Variants in PTPRD observed in about 807,000 individuals in gnomAD.
PTPRD encodes the protein protein tyrosine phosphatase receptor type D.
In PTPRD, 34 loss-of-function variants were observed where a neutral mutation model predicts 214.5. The observed-to-expected ratio is 0.16, with a 90% CI of 0.12 to 0.21. The LOEUF (loss-of-function observed/expected upper bound fraction) is 0.21, where lower values mean the gene tolerates loss of function less well. Among genes scored for constraint, PTPRD ranks in the 10% least tolerant of loss-of-function variants. The pLI is 1.00. For missense variants in PTPRD, 2,545 were observed against 2,398.7 expected, an observed-to-expected ratio of 1.06 and a Z score of -1.27; for synonymous variants, 1,128 against 845.7, an observed-to-expected ratio of 1.33 and a Z score of -5.79.
chr9:9,258,326 A>C (rs1364690335), intron 9 of PTPRD, among the ~76,000 whole-genome samples: 3 of 151,956 alleles, frequency 2.0e-5, no homozygotes, highest in African/African-American at 7.2e-5. Flanking sequence ...TTATGACATC[A>C]TCTGAAACCC....
intron 7 of PTPRD, among the ~76,000 whole-genome samples, chr9:9,615,413 C>A (rs918176273): frequency 1.3e-5 from 2 of 152,170 alleles, no homozygotes; most frequent in Admixed American, 6.5e-5. Context: ...CCCGGCCAAA[C>A]CAGTAAACAT....
intron 10 of PTPRD, among the ~76,000 whole-genome samples, chr9:9,070,148 T>C (rs561043803): frequency 6.6e-6 from 1 of 152,256 alleles, no homozygotes; most frequent in South Asian, 2.1e-4. Context: ...CACAAGGAAA[T>C]ATTGACTTAA....
At chr9:10,276,573 A>T (rs968207858) in intron 3 of PTPRD, among the ~76,000 whole-genome samples, 4 of 152,238 alleles carry the variant, frequency 2.6e-5, no homozygotes, top group Non-Finnish European at 2.9e-5. Flanking sequence ...ATAATCTAAT[A>T]TCGAAAGTCA....
intron 12 of PTPRD, among the ~76,000 whole-genome samples, chr9:8,699,192 T>C (rs1251659734): frequency 6.6e-6 from 1 of 152,364 alleles, no homozygotes; most frequent in Non-Finnish European, 1.5e-5. Context: ...ATTCCTCATT[T>C]TCTTTATGAA....
intron 5 of PTPRD, among the ~76,000 whole-genome samples, chr9:9,812,601 T>A (rs1327350453): frequency 6.6e-6 from 1 of 152,138 alleles, no homozygotes; most frequent in African/African-American, 2.4e-5. Context: ...AGGAATCAAT[T>A]CATCAAAAGG....
chr9:8,948,822 T>A (rs1317326217), intron 11 of PTPRD, among the ~76,000 whole-genome samples: 1 of 151,194 alleles, frequency 6.6e-6, no homozygotes, highest in Admixed American at 6.6e-5. Flanking sequence ...TCTGGAATAT[T>A]TGGAAGGTAA....
intron 7 of PTPRD, among the ~76,000 whole-genome samples, chr9:9,634,636 T>C (rs567060831): frequency 2.0e-5 from 3 of 152,274 alleles, no homozygotes; most frequent in Non-Finnish European, 2.9e-5. Flanking sequence ...CAAAATAAAA[T>C]ATCTTTCTCA....
intron 2 of PTPRD, among the ~76,000 whole-genome samples, chr9:10,491,573 A>G (rs1388166895): frequency 6.6e-6 from 1 of 152,128 alleles, no homozygotes; most frequent in African/African-American, 2.4e-5. Flanking sequence ...ATAAAGGGCC[A>G]AATGAGCAAA....
chr9:8,884,679 T>C (rs13294779), intron 11 of PTPRD, among the ~76,000 whole-genome samples: 33,997 of 152,186 alleles, frequency 0.22, 4,484 homozygotes, highest in Non-Finnish European at 0.3. Context: ...GTTTCTGCAG[T>C]AGGCAAATTG....
At chr9:8,482,054 T>G (rs1354727673) in intron 30 of PTPRD, among the ~76,000 whole-genome samples, 3 of 152,126 alleles carry the variant, frequency 2.0e-5, no homozygotes, top group African/African-American at 7.2e-5. Context: ...GTGCTGGGAT[T>G]ACAGGCATGA....
chr9:9,468,814 C>T (rs554153643), intron 8 of PTPRD, among the ~76,000 whole-genome samples: 5 of 151,982 alleles, frequency 3.3e-5, no homozygotes, highest in Admixed American at 2.6e-4. Context: ...AAGTCATTTA[C>T]GTAATGCCAG....
intron 12 of PTPRD, among the ~76,000 whole-genome samples, chr9:8,661,637 A>C (rs2097055514): frequency 1.3e-5 from 2 of 152,176 alleles, no homozygotes; most frequent in Non-Finnish European, 2.9e-5. Flanking sequence ...AAAACAAAAA[A>C]TTGCAATACC....
chr9:8,637,976 T>C (rs1426371014), intron 12 of PTPRD, among the ~76,000 whole-genome samples: 4 of 152,152 alleles, frequency 2.6e-5, no homozygotes, highest in African/African-American at 9.7e-5. Context: ...ACACTAATAA[T>C]GGTGTTCAGG....
chr9:8,928,279 T>C (rs1019293595), intron 11 of PTPRD, among the ~76,000 whole-genome samples: 11 of 152,318 alleles, frequency 7.2e-5, no homozygotes, highest in African/African-American at 2.6e-4. Context: ...TCTTTGCCCA[T>C]GCCTATGTCC....
At chr9:9,004,898 G>A (rs764400982) in intron 11 of PTPRD, among the ~76,000 whole-genome samples, 5 of 152,042 alleles carry the variant, frequency 3.3e-5, no homozygotes, top group Non-Finnish European at 5.9e-5. Context: ...TATTTTCAGT[G>A]TAAGTTTTGT....
intron 33 of PTPRD, among the ~76,000 whole-genome samples, chr9:8,451,287 G>A (rs896341482): frequency 1.3e-5 from 2 of 152,160 alleles, no homozygotes; most frequent in Non-Finnish European, 2.9e-5. Flanking sequence ...CCTGTCTGAG[G>A]ATTTCTTCTT....
intron 12 of PTPRD, among the ~76,000 whole-genome samples, chr9:8,640,454 T>G (rs952139647): frequency 1.3e-5 from 2 of 152,056 alleles, no homozygotes; most frequent in East Asian, 3.9e-4. Context: ...CCTATTGAAC[T>G]GTGGTAAACT....
intron 2 of PTPRD, among the ~76,000 whole-genome samples, chr9:10,375,560 T>C (rs780150457): frequency 1.3e-5 from 2 of 152,026 alleles, no homozygotes; most frequent in African/African-American, 2.4e-5. Context: ...GTATGTTCTA[T>C]CTTTGCTAAT....
chr9:10,608,651 G>A lies in PTPRD; in HGVS notation c.-600+3747C>T, dbSNP rs199824278. Among the ~76,000 whole-genome samples the A allele has an allele frequency of 6.6e-5, 10 of 152,206 alleles. No individual in the cohort carries two copies. The East Asian group carries it at 1.9e-3, about 29-fold the overall frequency. ...TAAGCCAATTTATTTACCTGACAGA[G>A]GTACAGAGAGTCCAGATTACCTCCT... On this transcript the variant is annotated intron_variant, in intron 2 of 45. Transcript: ENST00000381196.
Sources: allele counts gnomAD v4.1 joint callset (sites outside exome capture counted in the v4.1 genomes callset), GRCh38; gene constraint gnomAD v4.1.1; transcripts MANE v1.5; gene names NCBI Gene and HGNC (gene_info 2026-07-23, HGNC 2026-07-21).